ADGRL3: variants seen among roughly 807,000 people sequenced by gnomAD.
The protein encoded by ADGRL3 is adhesion G protein-coupled receptor L3.
A neutral mutation model predicts 153.5 loss-of-function variants in ADGRL3; 62 were observed. The observed-to-expected ratio is 0.40, with a 90% confidence interval of 0.33 to 0.50. The LOEUF (loss-of-function observed/expected upper bound fraction) is 0.50. Among genes scored for constraint, ADGRL3 ranks in the 20% least tolerant of loss-of-function variants. ADGRL3 has a pLI of 0.47. For missense variants in ADGRL3, 1,641 were observed against 1,859.4 expected (o/e 0.88, Z 2.16); for synonymous variants, 710 against 672.5 (o/e 1.06, Z -0.86).
intron 6 of ADGRL3, among the ~76,000 whole-genome samples, chr4:61,704,642 C>G (rs189733835): frequency 2.6e-4 from 40 of 152,156 alleles, no homozygotes; most frequent in Non-Finnish European, 1.3e-4. Flanking sequence ...TTCTCCCTTT[C>G]ACAAAGAATT....
intron 6 of ADGRL3, among the ~76,000 whole-genome samples, chr4:61,678,955 G>A (rs2095274076): frequency 6.6e-6 from 1 of 151,976 alleles, no homozygotes; most frequent in Non-Finnish European, 1.5e-5. Flanking sequence ...AGGTAGATTG[G>A]TTTAGGAGAG....
At chr4:62,043,331 A>G (rs1729393528) in intron 24 of ADGRL3, among the ~76,000 whole-genome samples, 1 of 152,078 alleles carries the variant, frequency 6.6e-6, no homozygotes. Context: ...TTAATTAATT[A>G]ATTAACCAAC....
intron 9 of ADGRL3, among the ~76,000 whole-genome samples, chr4:61,883,980 G>C (rs1462375435): frequency 2.0e-5 from 3 of 152,054 alleles, no homozygotes; most frequent in Non-Finnish European, 2.9e-5. Context: ...TCTCCTCTTT[G>C]TATTTTCTAT....
intron 8 of ADGRL3, among the ~76,000 whole-genome samples, chr4:61,751,688 GA>G (rs2096759082): frequency 6.6e-6 from 1 of 152,176 alleles, no homozygotes; most frequent in African/African-American, 2.4e-5. Context: ...TGAACAATTT[GA>G]AAGACTAGAG....
At chr4:61,345,634 G>A (rs1578362140) in intron 1 of ADGRL3, among the ~76,000 whole-genome samples, 1 of 152,146 alleles carries the variant, frequency 6.6e-6, no homozygotes, top group Non-Finnish European at 1.5e-5. Context: ...TAAGGAAATT[G>A]TACCTAGAAT....
intron 9 of ADGRL3, among the ~76,000 whole-genome samples, chr4:61,876,529 T>A (rs2098476253): frequency 6.6e-6 from 1 of 152,150 alleles, no homozygotes; most frequent in Non-Finnish European, 1.5e-5. Flanking sequence ...AATCCAAAAA[T>A]GACAATTTCA....
intron 5 of ADGRL3, among the ~76,000 whole-genome samples, chr4:61,629,301 T>G (rs2093012606): frequency 6.6e-6 from 1 of 152,136 alleles, no homozygotes; most frequent in Non-Finnish European, 1.5e-5. Context: ...TACACCCCTA[T>G]TATTACTTAC....
intron 8 of ADGRL3, among the ~76,000 whole-genome samples, chr4:61,751,624 C>T (rs746032730): frequency 4.5e-4 from 68 of 152,002 alleles, no homozygotes; most frequent in Non-Finnish European, 8.2e-4. Flanking sequence ...TTTGAAAAAA[C>T]GATTTAATTA....
At chr4:61,713,430 A>G (rs2151507449) in intron 6 of ADGRL3, among the ~76,000 whole-genome samples, 1 of 152,144 alleles carries the variant, frequency 6.6e-6, no homozygotes, top group Admixed American at 6.6e-5. Context: ...ATTGCGTATA[A>G]ACATTTCAAG....
chr4:61,750,761 G>A (rs1277317467), intron 8 of ADGRL3, among the ~76,000 whole-genome samples: 1 of 148,042 alleles, frequency 6.8e-6, no homozygotes, highest in East Asian at 2.0e-4. Flanking sequence ...CTGCACTCCA[G>A]CCTGGGCGAC....
At chr4:61,429,220 G>T (rs560188444) in intron 2 of ADGRL3, among the ~76,000 whole-genome samples, 12 of 152,212 alleles carry the variant, frequency 7.9e-5, no homozygotes, top group South Asian at 2.1e-4. Flanking sequence ...GGATATTGAA[G>T]CTTGACAATT....
intron 2 of ADGRL3, among the ~76,000 whole-genome samples, chr4:61,428,730 A>G (rs951815826): frequency 4.6e-5 from 7 of 152,148 alleles, no homozygotes; most frequent in African/African-American, 1.4e-4. Context: ...AAATGAATTA[A>G]TATTTGTGAA....
At chr4:61,890,162 T>C (rs759412950) in intron 9 of ADGRL3, among the ~76,000 whole-genome samples, 2 of 152,192 alleles carry the variant, frequency 1.3e-5, no homozygotes, top group Non-Finnish European at 1.5e-5. Flanking sequence ...ATAGCAATGC[T>C]TTGTTTGAAA....
chr4:61,810,218 C>T (rs888098198), intron 8 of ADGRL3, among the ~76,000 whole-genome samples: 2 of 152,188 alleles, frequency 1.3e-5, no homozygotes, highest in Admixed American at 1.3e-4. Flanking sequence ...AAAATAATGC[C>T]ATTCTAAGAG....
At chr4:61,822,298 T>C (rs2097763088) in intron 9 of ADGRL3, among the ~76,000 whole-genome samples, 1 of 152,220 alleles carries the variant, frequency 6.6e-6, no homozygotes, top group African/African-American at 2.4e-5. Flanking sequence ...AGCTTGTTAA[T>C]ATTAACGGTA....
chr4:61,916,758 GC>G (rs2098746928), intron 13 of ADGRL3, among the ~76,000 whole-genome samples: 1 of 152,114 alleles, frequency 6.6e-6, no homozygotes, highest in African/African-American at 2.4e-5. Flanking sequence ...TTTGAGACCA[GC>G]CTGGCCAACA....
chr4:62,007,377 T>C (rs1479199023), intron 21 of ADGRL3, among the ~76,000 whole-genome samples: 2 of 8,482 alleles, frequency 2.4e-4, no homozygotes, highest in Non-Finnish European at 1.0e-3. Context: ...TATATATATA[T>C]ATATATACAC....
intron 4 of ADGRL3, among the ~76,000 whole-genome samples, chr4:61,571,705 A>G (rs1292147559): frequency 3.3e-5 from 5 of 152,202 alleles, no homozygotes; most frequent in African/African-American, 7.2e-5. Context: ...CCCTAGTAGC[A>G]TCAAAACATA....
At chr4:61,852,662 AC>A (rs957091987) in intron 9 of ADGRL3, among the ~76,000 whole-genome samples, 16 of 152,246 alleles carry the variant, frequency 1.1e-4, no homozygotes, top group African/African-American at 3.9e-4. Flanking sequence ...GAGTGTGAAT[AC>A]CCCAGTTAGT....
Sources: gnomAD v4.1 joint callset for allele counts (sites outside exome capture counted in the v4.1 genomes callset) on GRCh38, gnomAD v4.1.1 for gene constraint, MANE v1.5 for transcripts, NCBI Gene and HGNC (gene_info 2026-07-23, HGNC 2026-07-21) for gene names.